AGBL4: variants seen among roughly 807,000 people sequenced by gnomAD.
AGBL4 encodes cytosolic carboxypeptidase 6.
In AGBL4, 58 loss-of-function variants were observed where a neutral mutation model predicts 66.4. That is an observed-to-expected ratio of 0.87 (90% CI 0.71 to 1.09). The LOEUF is 1.09. AGBL4 is among the 50% of genes least tolerant of loss of function. The pLI, the probability that AGBL4 is intolerant of heterozygous loss-of-function variation, is 0.00. For missense variants in AGBL4, 579 were observed against 631.0 expected (o/e 0.92, Z 0.88); for synonymous variants, 234 against 222.9 (o/e 1.05, Z -0.44).
At chr1:48,639,461 A>T (rs985477585) in intron 8 of AGBL4, among the ~76,000 whole-genome samples, 7 of 152,202 alleles carry the variant, frequency 4.6e-5, no homozygotes, top group African/African-American at 1.7e-4. Context: ...GGAATGCTAT[A>T]CTTCACTCAC....
chr1:49,758,949 C>T (rs1243081517), intron 2 of AGBL4, among the ~76,000 whole-genome samples: 1 of 152,150 alleles, frequency 6.6e-6, no homozygotes, highest in African/African-American at 2.4e-5. Flanking sequence ...AACTGTAATC[C>T]CCAGGTGTCA....
intron 5 of AGBL4, among the ~76,000 whole-genome samples, chr1:48,991,268 TTG>T (rs1307757341): frequency 8.5e-5 from 13 of 152,300 alleles, no homozygotes; most frequent in African/African-American, 3.1e-4. Context: ...TTTGTTTTTT[TTG>T]TGTGTTTTTC....
At chr1:49,235,115 T>G (rs901282434) in intron 4 of AGBL4, among the ~76,000 whole-genome samples, 1 of 152,196 alleles carries the variant, frequency 6.6e-6, no homozygotes, top group Non-Finnish European at 1.5e-5. Context: ...AGACAAATAC[T>G]TCTCTGTCCC....
intron 3 of AGBL4, among the ~76,000 whole-genome samples, chr1:49,362,179 A>C (rs1359751219): frequency 1.3e-5 from 2 of 152,152 alleles, no homozygotes; most frequent in Non-Finnish European, 2.9e-5. Flanking sequence ...CTATGTAGGA[A>C]GTGCTCATAT....
chr1:49,878,251 T>C (rs1246552130), intron 1 of AGBL4, among the ~76,000 whole-genome samples: 1 of 149,720 alleles, frequency 6.7e-6, no homozygotes, highest in African/African-American at 2.5e-5. Flanking sequence ...ATTGTGATCT[T>C]AGGGTGTCAA....
At chr1:49,793,005 T>C (rs926606815) in intron 2 of AGBL4, among the ~76,000 whole-genome samples, 1 of 152,048 alleles carries the variant, frequency 6.6e-6, no homozygotes, top group Admixed American at 6.6e-5. Context: ...AAGCTTTTAA[T>C]GAAAACACAA....
intron 11 of AGBL4, among the ~76,000 whole-genome samples, chr1:48,563,871 A>G (rs1410570769): frequency 6.6e-6 from 1 of 152,042 alleles, no homozygotes; most frequent in Non-Finnish European, 1.5e-5. Flanking sequence ...AGACCAGGAG[A>G]CTCAAACCAG....
chr1:48,800,199 G>A (rs1284328515), intron 6 of AGBL4, among the ~76,000 whole-genome samples: 4 of 152,132 alleles, frequency 2.6e-5, no homozygotes, highest in Non-Finnish European at 2.9e-5. Context: ...TCTGTTCAGA[G>A]TTTCTGTTTC....
chr1:49,864,525 A>T (rs1001799853), intron 1 of AGBL4, among the ~76,000 whole-genome samples: 6 of 152,136 alleles, frequency 3.9e-5, no homozygotes, highest in African/African-American at 1.4e-4. Context: ...CGAACCATGA[A>T]GAGTGAGGAA....
chr1:49,516,858 T>C (rs1649868374), intron 3 of AGBL4, among the ~76,000 whole-genome samples: 1 of 152,096 alleles, frequency 6.6e-6, no homozygotes, highest in African/African-American at 2.4e-5. Flanking sequence ...TAGGCATACA[T>C]GTCAAGTAGA....
At chr1:49,711,153 G>T (rs1396962575) in intron 2 of AGBL4, among the ~76,000 whole-genome samples, 1 of 152,112 alleles carries the variant, frequency 6.6e-6, no homozygotes, top group Non-Finnish European at 1.5e-5. Context: ...CAGTGAAAAT[G>T]TAAAAGGACG....
intron 11 of AGBL4, among the ~76,000 whole-genome samples, chr1:48,551,932 C>G (rs561232860): frequency 1.3e-5 from 2 of 152,224 alleles, no homozygotes; most frequent in Non-Finnish European, 2.9e-5. Flanking sequence ...TGGGCTAGAT[C>G]AGATGGAGAT....
intron 4 of AGBL4, among the ~76,000 whole-genome samples, chr1:49,142,811 A>T (rs1646144736): frequency 6.6e-6 from 1 of 152,164 alleles, no homozygotes; most frequent in South Asian, 2.1e-4. Flanking sequence ...AAGTTTTATA[A>T]TTCATATATT....
chr1:48,591,092 C>CCA (rs1644911373), intron 9 of AGBL4, 107 bp from the exon 10 acceptor site: 4 of 709,220 alleles, frequency 5.6e-6, no homozygotes, highest in Non-Finnish European at 6.4e-6. Flanking sequence ...ACCCACCCAC[C>CCA]CCCCCCCACA....
intron 3 of AGBL4, among the ~76,000 whole-genome samples, chr1:49,466,171 G>A (rs571851077): frequency 4.6e-5 from 7 of 151,924 alleles, no homozygotes; most frequent in Non-Finnish European, 7.4e-5. Flanking sequence ...AATTCCTCAC[G>A]GGTTTGGCCT....
chr1:49,202,264 A>G (rs1647768252), intron 4 of AGBL4, among the ~76,000 whole-genome samples: 1 of 152,174 alleles, frequency 6.6e-6, no homozygotes, highest in South Asian at 2.1e-4. Flanking sequence ...GCATTTCGCT[A>G]TTTGCAATAT....
chr1:48,758,811 T>A, intron 6 of AGBL4: 2 of 1,229,262 alleles, frequency 1.6e-6, no homozygotes, highest in Non-Finnish European at 2.2e-6. Flanking sequence ...GGGCACTTGG[T>A]CTCCCTCTCC....
At chr1:49,048,812 A>G (rs1265188517) in intron 4 of AGBL4, among the ~76,000 whole-genome samples, 1 of 152,016 alleles carries the variant, frequency 6.6e-6, no homozygotes, top group Non-Finnish European at 1.5e-5. Context: ...AGGAAAAAAA[A>G]AAAAGATTCC....
chr1:49,038,065 G>A (rs925054112), intron 5 of AGBL4, among the ~76,000 whole-genome samples: 2 of 152,008 alleles, frequency 1.3e-5, no homozygotes, highest in Non-Finnish European at 2.9e-5. Context: ...TCCCCAAACT[G>A]ATCCTCTTTC....
Sources: allele counts gnomAD v4.1 joint callset (sites outside exome capture counted in the v4.1 genomes callset), GRCh38; gene constraint gnomAD v4.1.1; transcripts MANE v1.5; gene names NCBI Gene and HGNC (gene_info 2026-07-23, HGNC 2026-07-21).